TBC1D12: variants seen among roughly 807,000 people sequenced by gnomAD.
TBC1D12 encodes TBC1 domain family, member 12.
A neutral mutation model predicts 86.7 loss-of-function variants in TBC1D12; 56 were observed. That is an observed-to-expected ratio of 0.65 (90% CI 0.52 to 0.81). The LOEUF (loss-of-function observed/expected upper bound fraction) is 0.81, where lower values mean the gene tolerates loss of function less well. TBC1D12 is among the 30% of genes least tolerant of loss of function. The pLI, the probability that TBC1D12 is intolerant of heterozygous loss-of-function variation, is 0.00. For synonymous variants in TBC1D12, 421 were observed against 411.7 expected (o/e 1.02, Z -0.27); for missense variants, 1,023 against 1,038.8 (o/e 0.98, Z 0.21).
At chr10:94,462,396 G>A (rs1269605796) in intron 2 of TBC1D12, among the ~76,000 whole-genome samples, 1 of 152,090 alleles carries the variant, frequency 6.6e-6, no homozygotes, top group Non-Finnish European at 1.5e-5. Context: ...AGTACCCCTG[G>A]CCTCTAGGAA....
At chr10:94,461,069 T>C (rs746353972) in intron 2 of TBC1D12, among the ~76,000 whole-genome samples, 4 of 152,238 alleles carry the variant, frequency 2.6e-5, no homozygotes, top group Non-Finnish European at 4.4e-5. Context: ...TATCTGACTC[T>C]GGTTCTAATG....
At chr10:94,454,780 T>C (rs2055600524) in intron 2 of TBC1D12, among the ~76,000 whole-genome samples, 1 of 152,246 alleles carries the variant, frequency 6.6e-6, no homozygotes, top group Non-Finnish European at 1.5e-5. Flanking sequence ...CAGAAGTTTT[T>C]CTGTTGATTT....
intron 2 of TBC1D12, among the ~76,000 whole-genome samples, chr10:94,454,458 G>A (rs893583706): frequency 9.2e-5 from 14 of 152,102 alleles, no homozygotes; most frequent in African/African-American, 3.4e-4. Context: ...TTATCCACCC[G>A]CCTCGGCCTC....
intron 3 of TBC1D12, among the ~76,000 whole-genome samples, chr10:94,476,349 A>G (rs561099509): frequency 6.6e-6 from 1 of 152,290 alleles, no homozygotes; most frequent in African/African-American, 2.4e-5. Flanking sequence ...TTGTGGTCCC[A>G]ATGCTCCTCT....
intron 2 of TBC1D12, among the ~76,000 whole-genome samples, chr10:94,448,743 T>A (rs1564951488): frequency 6.6e-6 from 1 of 151,914 alleles, no homozygotes; most frequent in Non-Finnish European, 1.5e-5. Flanking sequence ...CCTCCCAAAG[T>A]GTTGGGATTA....
intron 2 of TBC1D12, among the ~76,000 whole-genome samples, chr10:94,451,700 G>A (rs2055551624): frequency 6.6e-6 from 1 of 152,084 alleles, no homozygotes; most frequent in East Asian, 1.9e-4. Context: ...GCTAGTTTTT[G>A]CTAACAGGTG....
chr10:94,459,621 T>A (rs1359692613), intron 2 of TBC1D12, among the ~76,000 whole-genome samples: 1 of 152,198 alleles, frequency 6.6e-6, no homozygotes, highest in Non-Finnish European at 1.5e-5. Context: ...CATGGCAGAC[T>A]GCAGGTCCTG....
chr10:94,504,666 T>C (rs2056439014), intron 6 of TBC1D12, among the ~76,000 whole-genome samples: 1 of 152,208 alleles, frequency 6.6e-6, no homozygotes. Context: ...ATTAGGTTTG[T>C]GACCTTGGGC....
At chr10:94,428,305 T>TC (rs1422305449) in intron 1 of TBC1D12, among the ~76,000 whole-genome samples, 3 of 149,130 alleles carry the variant, frequency 2.0e-5, no homozygotes, top group African/African-American at 7.4e-5. Flanking sequence ...TTTTTTTTTT[T>TC]AAGACAGGGT....
chr10:94,420,256 G>C (rs1178251570), intron 1 of TBC1D12, among the ~76,000 whole-genome samples: 1 of 152,190 alleles, frequency 6.6e-6, no homozygotes, highest in Non-Finnish European at 1.5e-5. Flanking sequence ...TCTGAAAACA[G>C]AAGAGACTCC....
intron 2 of TBC1D12, among the ~76,000 whole-genome samples, chr10:94,467,342 C>T (rs1277413755): frequency 2.0e-5 from 3 of 152,124 alleles, no homozygotes; most frequent in Non-Finnish European, 4.4e-5. Flanking sequence ...AAGCGATTCT[C>T]CTGCCTCAGC....
chr10:94,478,262 A>G (rs2134152014), intron 3 of TBC1D12, among the ~76,000 whole-genome samples: 1 of 152,302 alleles, frequency 6.6e-6, no homozygotes, highest in African/African-American at 2.4e-5. Context: ...ACCCTGTCTC[A>G]GAAAAAATAA....
chr10:94,416,056 G>A (rs1274806360), intron 1 of TBC1D12, among the ~76,000 whole-genome samples: 1 of 152,058 alleles, frequency 6.6e-6, no homozygotes, highest in Non-Finnish European at 1.5e-5. Context: ...CAACACCACT[G>A]GAACATAAAC....
intron 9 of TBC1D12, among the ~76,000 whole-genome samples, chr10:94,516,569 C>A (rs1452986050): frequency 9.3e-6 from 1 of 107,854 alleles, no homozygotes; most frequent in Non-Finnish European, 1.8e-5. Context: ...CCTCCCCCCT[C>A]CCCCCACCCC....
chr10:94,448,880 A>G (rs1564951559), intron 2 of TBC1D12, among the ~76,000 whole-genome samples: 1 of 152,160 alleles, frequency 6.6e-6, no homozygotes, highest in Non-Finnish European at 1.5e-5. Context: ...CTACACTTCT[A>G]GTTGCGTGTG....
chr10:94,460,329 A>G (rs1022079370), intron 2 of TBC1D12, among the ~76,000 whole-genome samples: 4 of 152,224 alleles, frequency 2.6e-5, no homozygotes, highest in African/African-American at 9.6e-5. Flanking sequence ...CAAATGCCTT[A>G]ATAATTGTCC....
chr10:94,481,362 G>A (rs1055412556), intron 3 of TBC1D12, among the ~76,000 whole-genome samples: 1 of 151,392 alleles, frequency 6.6e-6, no homozygotes, highest in Admixed American at 6.6e-5. Flanking sequence ...TTGAAAATCT[G>A]TTGTTTAGAG....
Position 94,403,442 on chromosome 10 carries a change from T to A in TBC1D12, c.829T>A (p.Phe277Ile). The part of the protein sequence containing the change: ...SDIHFNSRNT[F>I]QVSRGQSARD... ...CATTCACTTCAACTCTCGCAACACG[T>A]TCCAGGTGAGCCGCGGTCAGAGCGC... The change falls in exon 1 of 13, where the codon TTC becomes ATC. Residue 277 changes from phenylalanine (F) to isoleucine (I), a missense_variant. This residue lies in a region of TBC1D12 where 628 missense variants were observed against 531.1 expected (regional missense o/e 1.18). Transcript: ENST00000225235. The A allele has an allele frequency of 6.5e-7, 1 of 1,546,990 alleles. No individual in the cohort carries two copies. The highest frequency in any genetic ancestry group is 1.2e-5 in the South Asian group (1 of 83,786).
Position 94,533,163 on chromosome 10 carries a change from A to G in TBC1D12, c.*67A>G, listed in dbSNP as rs1842472553. 8.3e-6 allele frequency: 8 copies of G among 964,360 alleles called. No homozygotes were observed. The highest frequency in any genetic ancestry group is 2.7e-5 in the East Asian group (1 of 37,346). 59.7% of individuals were successfully genotyped at this position (964,360 alleles called of 1,614,324 possible). On this transcript the variant is annotated 3_prime_UTR_variant, in exon 13 of 13. Transcript: ENST00000225235. The stretch of plus-strand genomic sequence containing the variant: ...TTTGGATAAAGGTTTTTTGTTTCCT[A>G]TGTAAAAGGCGTGGAAGAAAATGTT...
Sources: allele counts gnomAD v4.1 joint callset (sites outside exome capture counted in the v4.1 genomes callset), GRCh38; gene constraint gnomAD v4.1.1; regional missense constraint gnomAD v4.1.1; transcripts MANE v1.5; gene names NCBI Gene and HGNC (gene_info 2026-07-23, HGNC 2026-07-21).